NXPE4: variants seen among roughly 807,000 people sequenced by gnomAD.
NXPE4 encodes neurexophilin and PC-esterase domain family member 4.
Under a neutral mutation model 33.3 loss-of-function variants are expected in NXPE4, and 42 were observed. The observed-to-expected ratio is 1.26, with a 90% CI of 0.98 to 1.63. The LOEUF is 1.63. Among genes scored for constraint, NXPE4 ranks in the 40% most tolerant of loss-of-function variants. The pLI is 0.00. For synonymous variants in NXPE4, 253 were observed against 234.9 expected, an observed-to-expected ratio of 1.08 and a Z score of -0.71; for missense variants, 709 against 647.6, an observed-to-expected ratio of 1.09 and a Z score of -1.03.
the NXPE4 span, among the ~76,000 whole-genome samples, chr11:114,652,266 C>A: frequency 1.3e-5 from 2 of 152,198 alleles, no homozygotes; most frequent in African/African-American, 4.8e-5. Context: ...GGACATTGAG[C>A]ATCTGGAAGG....
chr11:114,585,693 G>C (rs1316496593), intron 2 of NXPE4, among the ~76,000 whole-genome samples: 1 of 151,954 alleles, frequency 6.6e-6, no homozygotes, highest in Non-Finnish European at 1.5e-5. Flanking sequence ...AATTATTTAG[G>C]TAGACAGTGA....
chr11:114,632,280 A>G, the NXPE4 span, among the ~76,000 whole-genome samples: 2 of 138,796 alleles, frequency 1.4e-5, no homozygotes, highest in Non-Finnish European at 1.5e-5. Context: ...TATATATACT[A>G]TATATGTATA....
At chr11:114,650,539 A>C in the NXPE4 span, among the ~76,000 whole-genome samples, 1 of 152,186 alleles carries the variant, frequency 6.6e-6, no homozygotes, top group East Asian at 1.9e-4. Context: ...CAATGGAGGA[A>C]GGGCAAGTAC....
the NXPE4 span, among the ~76,000 whole-genome samples, chr11:114,666,584 C>A: frequency 6.6e-6 from 1 of 151,998 alleles, no homozygotes; most frequent in East Asian, 1.9e-4. Flanking sequence ...AGTTAAGAGA[C>A]CTGTTCTATC....
At chr11:114,579,499 A>G (rs1949087525) in intron 5 of NXPE4, among the ~76,000 whole-genome samples, 1 of 152,224 alleles carries the variant, frequency 6.6e-6, no homozygotes, top group African/African-American at 2.4e-5. Flanking sequence ...TTAGACCCCA[A>G]GCCCATGCTT....
At chr11:114,609,911 C>T in the NXPE4 span, among the ~76,000 whole-genome samples, 1 of 151,634 alleles carries the variant, frequency 6.6e-6, no homozygotes, top group South Asian at 2.1e-4. Flanking sequence ...TGGGTAACTA[C>T]CATTAACCGG....
the NXPE4 span, among the ~76,000 whole-genome samples, chr11:114,667,337 A>T: frequency 5.9e-5 from 9 of 152,178 alleles, no homozygotes; most frequent in Admixed American, 5.9e-4. Context: ...AACTAAACAA[A>T]TTTCTCCTAA....
chr11:114,630,625 T>C, the NXPE4 span, among the ~76,000 whole-genome samples: 4 of 151,418 alleles, frequency 2.6e-5, no homozygotes, highest in Non-Finnish European at 5.9e-5. Flanking sequence ...AAGGACTTCA[T>C]GTCTAAAACA....
the NXPE4 span, among the ~76,000 whole-genome samples, chr11:114,609,323 C>T: frequency 7.9e-5 from 12 of 151,666 alleles, no homozygotes; most frequent in Admixed American, 1.3e-4. Context: ...TGGGTAACCA[C>T]GGTTACCCTG....
the NXPE4 span, among the ~76,000 whole-genome samples, chr11:114,647,796 G>A: frequency 6.6e-6 from 1 of 151,792 alleles, no homozygotes; most frequent in Non-Finnish European, 1.5e-5. Flanking sequence ...CTTCCCCCTG[G>A]GTTTAAGCGA....
chr11:114,601,297 T>C, the NXPE4 span, among the ~76,000 whole-genome samples: 2 of 150,188 alleles, frequency 1.3e-5, no homozygotes, highest in South Asian at 2.1e-4. Flanking sequence ...TGTATGATTT[T>C]GGGTACTCAT....
chr11:114,595,059 T>C (rs1410670233), intron 1 of NXPE4, among the ~76,000 whole-genome samples: 1 of 152,130 alleles, frequency 6.6e-6, no homozygotes, highest in Non-Finnish European at 1.5e-5. Flanking sequence ...TGCTCGTGTC[T>C]AGATGAAGTC....
chr11:114,676,400 ATAAGT>A, the NXPE4 span, among the ~76,000 whole-genome samples: 1 of 152,112 alleles, frequency 6.6e-6, no homozygotes, highest in Admixed American at 6.6e-5. Flanking sequence ...AAGAACTCAA[ATAAGT>A]TAATAGTAAG....
At chr11:114,594,308 C>A (rs1949529182) in intron 2 of NXPE4, among the ~76,000 whole-genome samples, 1 of 152,046 alleles carries the variant, frequency 6.6e-6, no homozygotes, top group South Asian at 2.1e-4. Context: ...AATACATACA[C>A]CTACTTTGTA....
chr11:114,645,532 T>C, the NXPE4 span, among the ~76,000 whole-genome samples: 1 of 152,046 alleles, frequency 6.6e-6, no homozygotes, highest in Admixed American at 6.6e-5. Context: ...TTGATAAATT[T>C]AACTATATTA....
chr11:114,629,441 G>T, the NXPE4 span, among the ~76,000 whole-genome samples: 1 of 151,516 alleles, frequency 6.6e-6, no homozygotes, highest in African/African-American at 2.4e-5. Context: ...CTCAATAGAT[G>T]CAGAAAAGGC....
chr11:114,577,060 TATATATATATAAAGTTATATATATAC>T (rs1380333477), intron 5 of NXPE4, among the ~76,000 whole-genome samples: 578 of 48,334 alleles, frequency 0.012, 5 homozygotes, highest in Non-Finnish European at 0.015. Flanking sequence ...TATATATACA[TATATATATATAAAGTTATATATATAC>T]ATATATATAT....
intron 2 of NXPE4, chr11:114,584,386 G>A (rs192141711): frequency 9.0e-6 from 3 of 331,776 alleles, no homozygotes; most frequent in East Asian, 2.0e-4. Context: ...CCATCCACCT[G>A]CAGTCCAAAT....
At chr11:114,634,776 A>G in the NXPE4 span, among the ~76,000 whole-genome samples, 2 of 151,900 alleles carry the variant, frequency 1.3e-5, no homozygotes, top group Non-Finnish European at 2.9e-5. Flanking sequence ...ATAGTTGTAG[A>G]TATGTGGCAT....
Sources: allele counts gnomAD v4.1 joint callset (sites outside exome capture counted in the v4.1 genomes callset), GRCh38; gene constraint gnomAD v4.1.1; transcripts MANE v1.5; gene names NCBI Gene and HGNC (gene_info 2026-07-23, HGNC 2026-07-21).